Variants in CPED1 observed in about 807,000 individuals in gnomAD.
CPED1 encodes the protein cadherin-like and PC-esterase domain-containing protein 1.
A neutral mutation model predicts 128.2 loss-of-function variants in CPED1; 114 were observed. The observed-to-expected ratio is 0.89, with a 90% CI of 0.76 to 1.04. CPED1 has a LOEUF of 1.04. Among genes scored for constraint, CPED1 ranks in the 50% least tolerant of loss-of-function variants. CPED1 has a pLI of 0.00. For synonymous variants in CPED1, 462 were observed against 426.7 expected, an observed-to-expected ratio of 1.08 and a Z score of -1.02; for missense variants, 1,211 against 1,207.1, an observed-to-expected ratio of 1.00 and a Z score of -0.05.
intron 18 of CPED1, 131 bp from the exon 19 acceptor site, chr7:121,266,096 T>C (rs1450992954): frequency 7.4e-5 from 50 of 673,282 alleles, no homozygotes; most frequent in Non-Finnish European, 1.3e-4. Context: ...ATGTTATTTC[T>C]AACAATTTGA....
At chr7:121,122,210 G>A (rs963610451) in intron 7 of CPED1, among the ~76,000 whole-genome samples, 1 of 141,474 alleles carries the variant, frequency 7.1e-6, no homozygotes, top group Non-Finnish European at 1.5e-5. Context: ...GTGTGATCTC[G>A]GATCACTACA....
At chr7:121,101,230 C>T (rs1794842565) in intron 7 of CPED1, among the ~76,000 whole-genome samples, 1 of 151,912 alleles carries the variant, frequency 6.6e-6, no homozygotes, top group Non-Finnish European at 1.5e-5. Flanking sequence ...ATCACTTGTT[C>T]CCTTTTTTGG....
At chr7:121,067,670 A>G (rs1168219305) in intron 5 of CPED1, among the ~76,000 whole-genome samples, 1 of 152,176 alleles carries the variant, frequency 6.6e-6, no homozygotes, top group African/African-American at 2.4e-5. Flanking sequence ...CTAGTTCTAG[A>G]TCCCTGAGGA....
At position 120,989,776 on chromosome 7, in the gene CPED1, C is replaced by T; in HGVS notation, c.155C>T (p.Thr52Ile). 1.2e-6 allele frequency: 2 copies of T among 1,614,064 alleles called. No individual in the cohort carries two copies. The highest frequency in any genetic ancestry group is 1.7e-6 in the Non-Finnish European group (2 of 1,180,024). ...TAAAPGAVPH[T>I]STETQASRCK... ...GCTGCCCCTGGGGCTGTCCCACACA[C>T]ATCCACTGAAACCCAGGCAAGCAGA... The change falls in exon 2 of 23, where the codon ACA (threonine) becomes ATA (isoleucine). Residue 52 changes from threonine to isoleucine, a missense_variant. By Grantham distance (89) the Thr-to-Ile change is moderately conservative. Coordinates refer to ENST00000310396, the MANE Select transcript of CPED1 (RefSeq NM_024913.5).
intron 22 of CPED1, among the ~76,000 whole-genome samples, chr7:121,290,231 A>G (rs1490050020): frequency 6.6e-6 from 1 of 152,188 alleles, no homozygotes; most frequent in African/African-American, 2.4e-5. Context: ...GGTTGGTCCC[A>G]AGTCTTTGCT....
chr7:121,189,480 C>G (rs560299272), intron 16 of CPED1, among the ~76,000 whole-genome samples: 1 of 151,864 alleles, frequency 6.6e-6, no homozygotes, highest in East Asian at 1.9e-4. Context: ...ATCATGAGAA[C>G]AGCAAGGGGG....
chr7:121,029,116 T>G (rs1397382263), intron 3 of CPED1, among the ~76,000 whole-genome samples: 2 of 152,174 alleles, frequency 1.3e-5, no homozygotes, highest in Non-Finnish European at 2.9e-5. Context: ...CATCATTAGA[T>G]AATTATATTT....
intron 3 of CPED1, 130 bp downstream of exon 3, chr7:121,015,978 A>G (rs1792292207): frequency 3.6e-6 from 2 of 560,944 alleles, no homozygotes; most frequent in Non-Finnish European, 5.6e-6. Flanking sequence ...ACTTTCTCAC[A>G]TCATAGAAAA....
chr7:120,994,667 T>C (rs1239822093), intron 2 of CPED1, among the ~76,000 whole-genome samples: 1 of 104,564 alleles, frequency 9.6e-6, no homozygotes, highest in East Asian at 2.8e-4. Flanking sequence ...GTGTTGTTGT[T>C]GTTGTTACTG....
intron 22 of CPED1, among the ~76,000 whole-genome samples, chr7:121,285,485 A>T (rs1032310462): frequency 2.6e-5 from 4 of 152,150 alleles, no homozygotes; most frequent in East Asian, 1.9e-4. Flanking sequence ...CAAATTTTTT[A>T]AACTTTTAAG....
intron 5 of CPED1, among the ~76,000 whole-genome samples, chr7:121,075,197 AT>A (rs1012450077): frequency 6.6e-6 from 1 of 151,928 alleles, no homozygotes; most frequent in Non-Finnish European, 1.5e-5. Flanking sequence ...GTTTTATTTT[AT>A]TTTTTTTAGT....
intron 16 of CPED1, among the ~76,000 whole-genome samples, chr7:121,182,817 C>A (rs773775986): frequency 6.6e-6 from 1 of 151,990 alleles, no homozygotes; most frequent in South Asian, 2.1e-4. Context: ...TGTGTCATTG[C>A]GAACATTAAT....
At chr7:121,045,232 C>T (rs1464840691) in intron 3 of CPED1, among the ~76,000 whole-genome samples, 17 of 152,176 alleles carry the variant, frequency 1.1e-4, no homozygotes, top group Non-Finnish European at 2.9e-5. Flanking sequence ...TTTCTCTCAT[C>T]CCCAAATCAA....
chr7:121,253,409 A>G (rs1181857629), intron 18 of CPED1, among the ~76,000 whole-genome samples: 3 of 151,902 alleles, frequency 2.0e-5, no homozygotes, highest in Non-Finnish European at 4.4e-5. Flanking sequence ...ACATGTATAC[A>G]TATGTAACAA....
intron 5 of CPED1, among the ~76,000 whole-genome samples, chr7:121,088,482 A>C (rs2116173097): frequency 6.6e-6 from 1 of 151,984 alleles, no homozygotes; most frequent in South Asian, 2.1e-4. Context: ...ACATAGTGAC[A>C]CCCCATATCT....
chr7:121,189,760 T>TTTTATATATATA (rs1472274298), intron 16 of CPED1, among the ~76,000 whole-genome samples: 14 of 47,472 alleles, frequency 2.9e-4, no homozygotes, highest in African/African-American at 4.1e-4. Flanking sequence ...TTATGAGGTT[T>TTTTATATATATA]TATATATATA....
chr7:121,155,547 A>G (rs2204338), intron 16 of CPED1, among the ~76,000 whole-genome samples: 66,830 of 152,094 alleles, frequency 0.44, 15,957 homozygotes, highest in East Asian at 0.84. Flanking sequence ...AAACCCAGCT[A>G]TAATCCATGC....
intron 12 of CPED1, among the ~76,000 whole-genome samples, chr7:121,132,485 C>T (rs980845928): frequency 6.6e-5 from 10 of 151,888 alleles, no homozygotes; most frequent in Admixed American, 2.0e-4. Flanking sequence ...CTTGTAGCAA[C>T]GAGGTGAGAA....
chr7:121,286,290 G>A (rs1029221435), intron 22 of CPED1, among the ~76,000 whole-genome samples: 1 of 152,186 alleles, frequency 6.6e-6, no homozygotes, highest in Non-Finnish European at 1.5e-5. Context: ...ATGAGATTCA[G>A]GTGGGGACAT....
Sources: gnomAD v4.1 joint callset for allele counts (sites outside exome capture counted in the v4.1 genomes callset) on GRCh38, gnomAD v4.1.1 for gene constraint, MANE v1.5 for transcripts, NCBI Gene and HGNC (gene_info 2026-07-23, HGNC 2026-07-21) for gene names.